Variants in PARD3B observed in about 807,000 individuals in gnomAD.
PARD3B encodes partitioning defective 3 homolog B.
In PARD3B, 103 loss-of-function variants were observed where a neutral mutation model predicts 130.2. The observed-to-expected ratio is 0.79, with a 90% CI of 0.67 to 0.93. PARD3B has a LOEUF of 0.93. Ranked by LOEUF, PARD3B falls within the 40% of genes least tolerant of loss-of-function variation. The pLI, the probability that PARD3B is intolerant of heterozygous loss-of-function variation, is 0.00. For missense variants in PARD3B, 1,609 were observed against 1,499.2 expected (o/e 1.07, Z -1.21); for synonymous variants, 583 against 553.2 (o/e 1.05, Z -0.76).
intron 16 of PARD3B, among the ~76,000 whole-genome samples, chr2:205,295,844 GTGATGAACAGATGAACATATATATACC>G (rs1006314965): frequency 1.9e-4 from 29 of 152,238 alleles, no homozygotes; most frequent in African/African-American, 6.7e-4. Context: ...GCCTCTATAT[GTGATGAACAGATGAACATATATATACC>G]TGTGTCAAAA....
chr2:204,879,386 T>G (rs1294805182), intron 2 of PARD3B, among the ~76,000 whole-genome samples: 1 of 152,194 alleles, frequency 6.6e-6, no homozygotes, highest in East Asian at 1.9e-4. Context: ...AAAGTGAATC[T>G]TTAAGGTATC....
intron 2 of PARD3B, among the ~76,000 whole-genome samples, chr2:204,937,649 G>C (rs1158981905): frequency 6.6e-6 from 1 of 152,148 alleles, no homozygotes; most frequent in African/African-American, 2.4e-5. Context: ...GTATGTGTCA[G>C]CGCCACTACA....
Position 205,337,977 on chromosome 2 carries a change from G to A in PARD3B, c.2630+36276G>A, listed in dbSNP as rs574741478. Among the ~76,000 whole-genome samples the A allele has an allele frequency of 7.0e-4, 106 of 151,640 alleles. 1 individual carries two copies. Among genetic ancestry groups the A allele is most frequent in the African/African-American group, 1.9e-3 (78 of 41,366 alleles). The stretch of plus-strand genomic sequence containing the variant: ...AGCCTGGTCAAGGTGGTGAAACCCC[G>A]TCTCTACTTTTAGTTTTAATACAAA... On this transcript the variant is annotated intron_variant, in intron 18 of 22. Transcript: ENST00000406610.
At position 204,708,982 on chromosome 2, in the gene PARD3B, G is replaced by A. The variant is rs192988936; in HGVS notation, c.222+22700G>A. On this transcript the variant is annotated intron_variant, in intron 2 of 22. Coordinates refer to ENST00000406610, the MANE Select transcript of PARD3B (RefSeq NM_001302769.2). ...AACAAATTAAAAATCTTATTCTGGT[G>A]GATGGGATTTTCTAATTTAGCATAG... Among the ~76,000 whole-genome samples, 455 of 152,190 alleles carry A rather than the reference G, an allele frequency of 3.0e-3. 1 individual carries two copies. Among genetic ancestry groups the A allele is most frequent in the African/African-American group, 9.7e-3 (404 of 41,520 alleles).
At chr2:205,198,692 A>G (rs114283038) in intron 15 of PARD3B, among the ~76,000 whole-genome samples, 1,755 of 152,224 alleles carry the variant, frequency 0.012, 32 homozygotes, top group African/African-American at 0.038. Flanking sequence ...ATGAGCATGA[A>G]AAAAGCCCCA....
intron 2 of PARD3B, among the ~76,000 whole-genome samples, chr2:204,942,740 G>A (rs981403367): frequency 6.6e-6 from 1 of 152,018 alleles, no homozygotes; most frequent in Non-Finnish European, 1.5e-5. Context: ...TTCAAGACTG[G>A]TATAAATATT....
intron 2 of PARD3B, among the ~76,000 whole-genome samples, chr2:204,847,597 G>A (rs76866200): frequency 0.016 from 2,470 of 152,212 alleles, 69 homozygotes; most frequent in African/African-American, 0.055. Flanking sequence ...CACCTGGAGC[G>A]TGAATCATCC....
At chr2:205,031,020 C>T (rs368289034) in intron 3 of PARD3B, among the ~76,000 whole-genome samples, 1 of 152,082 alleles carries the variant, frequency 6.6e-6, no homozygotes, top group African/African-American at 2.4e-5. Context: ...TTGAAAGTGA[C>T]CAAGGTCTGT....
chr2:204,964,716 T>C (rs1691073110), intron 2 of PARD3B, among the ~76,000 whole-genome samples: 1 of 152,152 alleles, frequency 6.6e-6, no homozygotes, highest in Non-Finnish European at 1.5e-5. Flanking sequence ...TTGTAATGTG[T>C]TTTAGGTCTC....
intron 2 of PARD3B, among the ~76,000 whole-genome samples, chr2:204,699,910 A>G (rs2037811337): frequency 1.3e-5 from 2 of 152,180 alleles, no homozygotes; most frequent in Admixed American, 1.3e-4. Flanking sequence ...TATGGAATGC[A>G]GCTTCTGACT....
intron 2 of PARD3B, among the ~76,000 whole-genome samples, chr2:204,737,147 T>A (rs1262913052): frequency 6.6e-6 from 1 of 152,174 alleles, no homozygotes; most frequent in African/African-American, 2.4e-5. Context: ...AATTTTTGTA[T>A]TTTTAGTAGT....
chr2:204,650,076 A>G (rs1412819916), intron 1 of PARD3B, among the ~76,000 whole-genome samples: 1 of 152,188 alleles, frequency 6.6e-6, no homozygotes, highest in African/African-American at 2.4e-5. Context: ...AAAAAAACCC[A>G]TTAAAAAGTG....
rs1172393810 is a variant in PARD3B at position 204,689,970 on chromosome 2, T to A, written c.222+3688T>A. On this transcript the variant is annotated intron_variant, in intron 2 of 22. Transcript: ENST00000406610. This position sits in a 1 kb window ranked among gnomAD's most constrained non-coding sequence, Gnocchi z 5.2. The stretch of plus-strand genomic sequence containing the variant: ...AAAGGTTGGTAATAGACCAAACTGT[T>A]GAGTATAACAAAACAGTTGAGTATA... Among the ~76,000 whole-genome samples, 2 of 152,172 alleles carry A rather than the reference T, an allele frequency of 1.3e-5. No homozygotes were observed. Among genetic ancestry groups the A allele is most frequent in the Non-Finnish European group, 2.9e-5 (2 of 68,016 alleles).
intron 1 of PARD3B, among the ~76,000 whole-genome samples, chr2:204,616,853 G>T (rs1178157659): frequency 6.6e-6 from 1 of 152,194 alleles, no homozygotes; most frequent in Non-Finnish European, 1.5e-5. Context: ...AACTGAAAGT[G>T]GCAGGAACAT....
intron 2 of PARD3B, among the ~76,000 whole-genome samples, chr2:204,919,699 C>T (rs1275159420): frequency 2.0e-5 from 3 of 152,096 alleles, no homozygotes; most frequent in African/African-American, 7.2e-5. Context: ...ATCAATATGA[C>T]CTTCTCCTTT....
chr2:205,104,244 G>A (rs1021271153), intron 4 of PARD3B, among the ~76,000 whole-genome samples, 182 bp from the exon 5 acceptor site: 2 of 152,122 alleles, frequency 1.3e-5, no homozygotes, highest in Non-Finnish European at 1.5e-5. Flanking sequence ...AAACCAAACA[G>A]GAGAGAAAAG....
intron 21 of PARD3B, among the ~76,000 whole-genome samples, chr2:205,535,393 CT>C (rs1559189655): frequency 6.6e-6 from 1 of 152,132 alleles, no homozygotes; most frequent in East Asian, 1.9e-4. Flanking sequence ...CATTTCAAAA[CT>C]AAACCATCCT....
chr2:204,712,063 T>C (rs1279843797), intron 2 of PARD3B, among the ~76,000 whole-genome samples: 1 of 152,216 alleles, frequency 6.6e-6, no homozygotes, highest in Non-Finnish European at 1.5e-5. Flanking sequence ...ATCCCTGATA[T>C]ATGATGAATT....
chr2:204,843,413 CT>C (rs1012981128), intron 2 of PARD3B, among the ~76,000 whole-genome samples: 1 of 151,712 alleles, frequency 6.6e-6, no homozygotes, highest in Non-Finnish European at 1.5e-5. Context: ...TCTCCTTTTT[CT>C]TTTTTTTCTC....
Sources: allele counts gnomAD v4.1 joint callset (sites outside exome capture counted in the v4.1 genomes callset), GRCh38; gene constraint gnomAD v4.1.1; non-coding constraint Gnocchi (gnomAD v3.1); transcripts MANE v1.5; gene names NCBI Gene and HGNC (gene_info 2026-07-23, HGNC 2026-07-21).